RBFOX3: variants seen among roughly 807,000 people sequenced by gnomAD.
RBFOX3 encodes RNA binding protein fox-1 homolog 3.
Under a neutral mutation model 48.7 loss-of-function variants are expected in RBFOX3, and 17 were observed. That is an observed-to-expected ratio of 0.35 (90% confidence interval 0.24 to 0.52). The LOEUF is 0.52. Among genes scored for constraint, RBFOX3 ranks in the 20% least tolerant of loss-of-function variants. The pLI, the probability that RBFOX3 is intolerant of heterozygous loss-of-function variation, is 0.94. For synonymous variants in RBFOX3, 212 were observed against 209.5 expected, an observed-to-expected ratio of 1.01 and a Z score of -0.10; for missense variants, 382 against 497.5, an observed-to-expected ratio of 0.77 and a Z score of 2.21.
intron 4 of RBFOX3, among the ~76,000 whole-genome samples, chr17:79,155,079 G>A (rs9896373): frequency 0.26 from 40,199 of 152,226 alleles, 5,350 homozygotes; most frequent in African/African-American, 0.27. Flanking sequence ...TCCCTGCCAC[G>A]GCACGTGAGC....
At chr17:79,145,182 C>T (rs970821601) in intron 4 of RBFOX3, among the ~76,000 whole-genome samples, 53 of 152,160 alleles carry the variant, frequency 3.5e-4, no homozygotes, top group African/African-American at 1.2e-3. Flanking sequence ...GATTCTGTCC[C>T]ATCATCGAGC....
intron 2 of RBFOX3, among the ~76,000 whole-genome samples, chr17:79,464,519 C>T (rs1014406127): frequency 3.0e-4 from 45 of 152,168 alleles, no homozygotes; most frequent in African/African-American, 1.0e-3. Context: ...CAGATTCCCC[C>T]GCAGACATCT....
Position 79,195,641 on chromosome 17 carries a change from A to C in RBFOX3, c.-34+40125T>G, listed in dbSNP as rs1177899191. Among the ~76,000 whole-genome samples the C allele has an allele frequency of 6.6e-6, 1 of 152,212 alleles. No individual in the cohort carries two copies. The highest frequency in any genetic ancestry group is 1.9e-4 in the East Asian group (1 of 5,190). On this transcript the variant is annotated intron_variant, in intron 4 of 14. Transcript: ENST00000693108. The surrounding 1 kb of genome is among the most constrained non-coding windows in gnomAD (Gnocchi z 5.3). Reference sequence around the variant, plus strand: ...TTTTGTCCTACCATTGCAGCTGTGCAGGCACACAGTGTCTGCTGAGGCCAG... The same window carrying C: ...TTTTGTCCTACCATTGCAGCTGTGCCGGCACACAGTGTCTGCTGAGGCCAG...
chr17:79,509,529 G>A (rs1270210699), intron 1 of RBFOX3, among the ~76,000 whole-genome samples: 1 of 152,152 alleles, frequency 6.6e-6, no homozygotes, highest in Admixed American at 6.5e-5. Context: ...GCAGGCACTT[G>A]TATCGTAACA....
intron 2 of RBFOX3, among the ~76,000 whole-genome samples, chr17:79,308,094 G>A (rs1176035785): frequency 1.3e-5 from 2 of 152,206 alleles, no homozygotes; most frequent in Admixed American, 6.5e-5. Flanking sequence ...TATCAAAACC[G>A]AAGCTGGGGT....
chr17:79,181,962 A>AACACACACACAC (rs56842759), intron 4 of RBFOX3, among the ~76,000 whole-genome samples: 1 of 148,298 alleles, frequency 6.7e-6, no homozygotes, highest in South Asian at 2.2e-4. Context: ...GTCTCCAAGA[A>AACACACACACAC]ACACACACAC....
At chr17:79,656,882 A>AAGGG in the RBFOX3 span, among the ~76,000 whole-genome samples, 1 of 143,252 alleles carries the variant, frequency 7.0e-6, no homozygotes, top group Non-Finnish European at 1.5e-5. Flanking sequence ...GGAAGGAAGG[A>AAGGG]AGGAAGGAAG....
the RBFOX3 span, among the ~76,000 whole-genome samples, chr17:79,641,263 C>G: frequency 6.6e-6 from 1 of 152,244 alleles, no homozygotes; most frequent in East Asian, 1.9e-4. Context: ...TTCCCTCACA[C>G]TTGTTAGGAT....
chr17:79,225,815 C>T (rs1359259446), intron 4 of RBFOX3, among the ~76,000 whole-genome samples: 4 of 152,236 alleles, frequency 2.6e-5, no homozygotes, highest in African/African-American at 9.6e-5. Context: ...AGGGACCCAG[C>T]TTTGAACCAA....
rs1307527320 is a variant in RBFOX3, at chr17:79,103,108, G to A, written c.507+54C>T. On this transcript the variant is annotated intron_variant, in intron 8 of 14. Coordinates refer to ENST00000693108, the MANE Select transcript of RBFOX3 (RefSeq NM_001350451.2). This position sits in a 1 kb window ranked among gnomAD's most constrained non-coding sequence, Gnocchi z 6.1. ...AGGGCTGGTTGGTTGGGGGAGCTGG[G>A]GGGCAGGTGGGCGATCTTGGGGCAT... The A allele has an allele frequency of 1.5e-6, 2 of 1,343,276 alleles. No individual in the cohort carries two copies. The highest frequency in any genetic ancestry group is 1.3e-5 in the South Asian group (1 of 79,678). The allele number at this position is 1,343,276 out of a possible 1,614,324, so 83.2% of individuals were successfully genotyped here. A position where few individuals can be genotyped will look rare whatever the true frequency, so the allele number is the denominator to read the frequency against.
At chr17:79,452,547 G>A (rs1386090999) in intron 2 of RBFOX3, among the ~76,000 whole-genome samples, 1 of 152,182 alleles carries the variant, frequency 6.6e-6, no homozygotes, top group Non-Finnish European at 1.5e-5. Flanking sequence ...GCATGCAGCA[G>A]CGAATGGGTC....
chr17:79,135,371 C>T (rs2039950228), intron 4 of RBFOX3, among the ~76,000 whole-genome samples: 1 of 152,176 alleles, frequency 6.6e-6, no homozygotes, highest in Non-Finnish European at 1.5e-5. Context: ...ACCTTGCTGC[C>T]CCAGCCATTA....
At chr17:79,210,618 C>T (rs1472547514) in intron 4 of RBFOX3, among the ~76,000 whole-genome samples, 2 of 152,298 alleles carry the variant, frequency 1.3e-5, no homozygotes, top group Admixed American at 6.5e-5. Flanking sequence ...GATATGGTCC[C>T]GGGGCGGGAT....
chr17:79,603,421 G>A (rs2093755476), intron 1 of RBFOX3, among the ~76,000 whole-genome samples: 1 of 152,210 alleles, frequency 6.6e-6, no homozygotes, highest in African/African-American at 2.4e-5. Context: ...TAACAACTGA[G>A]TCCACGGCCC....
chr17:79,233,698 C>T (rs2061303447), intron 4 of RBFOX3: 1 of 151,982 alleles, frequency 6.6e-6, no homozygotes, highest in South Asian at 2.1e-4. Context: ...CCTCTGCCTC[C>T]CGGGTTCAAG....
chr17:79,270,084 T>G (rs998150310), intron 3 of RBFOX3, among the ~76,000 whole-genome samples: 13 of 152,128 alleles, frequency 8.5e-5, no homozygotes, highest in Non-Finnish European at 1.6e-4. Context: ...CTCTCGCTGG[T>G]CTTCCGCCTC....
chr17:79,327,132 A>G (rs1568047586), intron 2 of RBFOX3, among the ~76,000 whole-genome samples: 1 of 151,828 alleles, frequency 6.6e-6, no homozygotes, highest in African/African-American at 2.4e-5. Flanking sequence ...TGGGCTGGGT[A>G]CCCCCCACAC....
rs898093934 is a variant in RBFOX3, at chr17:79,405,827, C to T, written c.-175+76627G>A. ...GCAGACCATGCCCCTCAGGAAGTCC[C>T]CTCATGCCCCTCCCCAGCCATTCCC... On this transcript the variant is annotated intron_variant, in intron 2 of 14. Transcript: ENST00000693108. Among the ~76,000 whole-genome samples the T allele has an allele frequency of 2.0e-5, 3 of 152,352 alleles. No individual in the cohort carries two copies. In the East Asian group the frequency reaches 5.8e-4, roughly 29 times the overall value.
At position 79,362,856 on chromosome 17, in the gene RBFOX3, T is replaced by C. The variant is rs2057183718; in HGVS notation, c.-174-55032A>G. The stretch of plus-strand genomic sequence containing the variant: ...AGACAACCCTGAACGCCCGGCTCTG[T>C]GTGCAGACCTCATTCTCGGACACTT... On this transcript the variant is annotated intron_variant, in intron 2 of 14. Coordinates refer to ENST00000693108, the MANE Select transcript of RBFOX3 (RefSeq NM_001350451.2). The surrounding 1 kb of genome is among the most constrained non-coding windows in gnomAD (Gnocchi z 4.2). Among the ~76,000 whole-genome samples the C allele has an allele frequency of 6.6e-6, 1 of 152,152 alleles. No homozygotes were observed. The highest frequency in any genetic ancestry group is 1.5e-5 in the Non-Finnish European group (1 of 68,018).
Sources: allele counts gnomAD v4.1 joint callset (sites outside exome capture counted in the v4.1 genomes callset), GRCh38; gene constraint gnomAD v4.1.1; non-coding constraint Gnocchi (gnomAD v3.1); transcripts MANE v1.5; gene names NCBI Gene and HGNC (gene_info 2026-07-23, HGNC 2026-07-21).